The following MTA3 variants were observed in gnomAD, a reference collection of about 807,000 sequenced individuals.
The protein encoded by MTA3 is metastasis-associated protein MTA3.
Under a neutral mutation model 83.5 loss-of-function variants are expected in MTA3, and 34 were observed. The ratio of observed to expected loss-of-function variants is 0.41; its 90% CI spans 0.31 to 0.54. The LOEUF is 0.54. Ranked by LOEUF, MTA3 falls within the 20% of genes least tolerant of loss-of-function variation. The pLI, the probability that MTA3 is intolerant of heterozygous loss-of-function variation, is 0.33. For synonymous variants in MTA3, 303 were observed against 252.7 expected (o/e 1.20, Z -1.89); for missense variants, 761 against 726.4 (o/e 1.05, Z -0.55).
intron 3 of MTA3, among the ~76,000 whole-genome samples, chr2:42,602,804 C>G (rs1682743580): frequency 6.6e-6 from 1 of 152,164 alleles, no homozygotes; most frequent in Admixed American, 6.6e-5. Context: ...GATACCTGGG[C>G]TATCCTTATC....
intron 9 of MTA3, among the ~76,000 whole-genome samples, chr2:42,689,824 G>A (rs1573629998): frequency 1.2e-5 from 1 of 85,826 alleles, no homozygotes; most frequent in Non-Finnish European, 2.1e-5. Flanking sequence ...GTTTATCAGT[G>A]TTGTTGAACT....
chr2:42,649,289 C>G (rs1231607979), intron 6 of MTA3, among the ~76,000 whole-genome samples: 1 of 151,752 alleles, frequency 6.6e-6, no homozygotes, highest in South Asian at 2.1e-4. Context: ...CTCAGCTACT[C>G]GGGAGGCTGA....
intron 2 of MTA3, among the ~76,000 whole-genome samples, chr2:42,529,033 A>G (rs1675842523): frequency 6.6e-6 from 1 of 152,226 alleles, no homozygotes; most frequent in African/African-American, 2.4e-5. Context: ...GTTAAGTTAC[A>G]GTTTACCATG....
intron 4 of MTA3, among the ~76,000 whole-genome samples, chr2:42,629,982 A>G (rs1686515316): frequency 6.6e-6 from 1 of 152,026 alleles, no homozygotes; most frequent in Admixed American, 6.6e-5. Context: ...GGGTTTCACC[A>G]TGTTGGCCAG....
chr2:42,689,773 CT>C (rs1222011840), intron 9 of MTA3, among the ~76,000 whole-genome samples: 100 of 118,422 alleles, frequency 8.4e-4, no homozygotes, highest in East Asian at 3.5e-3. Flanking sequence ...TAATTTGTGT[CT>C]TTTTTTTTTT....
At chr2:42,641,174 T>G (rs1217440101) in intron 5 of MTA3, among the ~76,000 whole-genome samples, 1 of 151,584 alleles carries the variant, frequency 6.6e-6, no homozygotes, top group East Asian at 1.9e-4. Context: ...CCCAAAGTGC[T>G]GGGATCAGAG....
At position 42,617,310 on chromosome 2, in the gene MTA3, C is replaced by G. The variant is rs903435607; in HGVS notation, c.317+7726C>G. Among the ~76,000 whole-genome samples the G allele has an allele frequency of 2.0e-5, 3 of 152,122 alleles. No individual in the cohort carries two copies. In the East Asian group the frequency reaches 5.8e-4, roughly 29 times the overall value. On this transcript the variant is annotated intron_variant, in intron 4 of 16. Transcript: ENST00000405094. The stretch of plus-strand genomic sequence containing the variant: ...TTTAGGACTTGATCTTACAGAACTT[C>G]TCACACAAGTTTGTAGAAATATACA...
intron 16 of MTA3, among the ~76,000 whole-genome samples, chr2:42,730,787 C>G (rs1397670224): frequency 6.6e-6 from 1 of 152,026 alleles, no homozygotes; most frequent in South Asian, 2.1e-4. Flanking sequence ...GGTTTTAGTT[C>G]TTCTTTAAAT....
intron 3 of MTA3, among the ~76,000 whole-genome samples, chr2:42,586,405 C>T (rs190318098): frequency 7.9e-5 from 11 of 139,442 alleles, no homozygotes; most frequent in Middle Eastern, 4.4e-3. Flanking sequence ...GGCAACACAG[C>T]GAGACCTCAT....
intron 11 of MTA3, among the ~76,000 whole-genome samples, chr2:42,701,141 A>T (rs1404324192): frequency 1.3e-5 from 2 of 151,854 alleles, no homozygotes; most frequent in African/African-American, 4.8e-5. Flanking sequence ...CATTTTTATA[A>T]TTATCTATTT....
chr2:42,749,781 C>T (rs1024234587), intron 16 of MTA3, among the ~76,000 whole-genome samples: 1 of 151,726 alleles, frequency 6.6e-6, no homozygotes, highest in Non-Finnish European at 1.5e-5. Context: ...AACAGTTGTT[C>T]TTTATATTTC....
intron 2 of MTA3, among the ~76,000 whole-genome samples, chr2:42,503,029 A>AGT (rs933759686): frequency 6.6e-6 from 1 of 152,004 alleles, no homozygotes; most frequent in African/African-American, 2.4e-5. Context: ...ACCCCAAGAG[A>AGT]GGGTTATTGG....
chr2:42,651,468 A>T (rs897855615), intron 6 of MTA3, among the ~76,000 whole-genome samples: 1 of 152,182 alleles, frequency 6.6e-6, no homozygotes, highest in Non-Finnish European at 1.5e-5. Context: ...GAAGTTTTTA[A>T]TACTGCCATC....
At chr2:42,562,537 G>A (rs1677715491) in intron 2 of MTA3, among the ~76,000 whole-genome samples, 1 of 152,158 alleles carries the variant, frequency 6.6e-6, no homozygotes, top group African/African-American at 2.4e-5. Flanking sequence ...GGTCAGCACA[G>A]GCCATTCCCC....
At chr2:42,594,245 T>C (rs147920608) in intron 3 of MTA3, among the ~76,000 whole-genome samples, 532 of 2,002 alleles carry the variant, frequency 0.27, 5 homozygotes, top group South Asian at 0.43. Flanking sequence ...GCCAGGCCCC[T>C]TTTTTTTTTT....
chr2:42,517,845 C>G (rs1195230320), intron 2 of MTA3, among the ~76,000 whole-genome samples: 11 of 143,532 alleles, frequency 7.7e-5, no homozygotes, highest in Non-Finnish European at 1.6e-4. Flanking sequence ...TGCCACTGCA[C>G]TCCAGTGAGA....
rs551611501 is a variant in MTA3 at position 42,550,656 on chromosome 2, G to A, written c.-140-19781G>A. Among the ~76,000 whole-genome samples, 83 of 152,292 alleles carry A rather than the reference G, an allele frequency of 5.5e-4. 1 individual carries two copies. Among genetic ancestry groups the A allele is most frequent in the African/African-American group, 1.8e-3 (73 of 41,572 alleles). ...ACAAGAGACTGGGAAGGGGAACTGG[G>A]GGACAGATTGTAAAGGGCTATCCTT... On this transcript the variant is annotated intron_variant, in intron 2 of 17. Transcript: ENST00000405592.
In MTA3 at chr2:42,625,946, CT is replaced by C. The variant is rs540658051; in HGVS notation, c.318-14213del. ...ATGATTCAGTTATCCTTTTTTTTTTCTTTTTTTTTTTTTTGAGTCGGAGTCC... is the reference window on the plus strand; with the variant it reads ...ATGATTCAGTTATCCTTTTTTTTTTCTTTTTTTTTTTTTGAGTCGGAGTCC... On this transcript the variant is annotated intron_variant, in intron 4 of 16. Transcript: ENST00000405094. Among the ~76,000 whole-genome samples the C allele has an allele frequency of 9.1e-3, 1,175 of 128,940 alleles. 17 individuals are homozygous for C. The highest frequency in any genetic ancestry group is 0.032 in the African/African-American group (1,076 of 34,032). The allele number at this position is 128,940 out of a possible 152,430, so 84.6% of individuals were successfully genotyped here. A position where few individuals can be genotyped will look rare whatever the true frequency, so the allele number is the denominator to read the frequency against.
At chr2:42,529,887 T>A (rs1225247244) in intron 2 of MTA3, among the ~76,000 whole-genome samples, 2 of 152,116 alleles carry the variant, frequency 1.3e-5, no homozygotes, top group Non-Finnish European at 2.9e-5. Flanking sequence ...GGCAAAAACT[T>A]CTCATTAAGA....
Sources: allele counts gnomAD v4.1 joint callset (sites outside exome capture counted in the v4.1 genomes callset), GRCh38; gene constraint gnomAD v4.1.1; transcripts MANE v1.5; gene names NCBI Gene and HGNC (gene_info 2026-07-23, HGNC 2026-07-21).